PTPRR: variants seen among roughly 807,000 people sequenced by gnomAD.
PTPRR encodes receptor-type tyrosine-protein phosphatase R.
In PTPRR, 38 loss-of-function variants were observed where a neutral mutation model predicts 77.2. That is an observed-to-expected ratio of 0.49 (90% CI 0.38 to 0.65). The LOEUF (loss-of-function observed/expected upper bound fraction) is 0.65. Ranked by LOEUF, PTPRR falls within the 30% of genes least tolerant of loss-of-function variation. PTPRR has a pLI of 0.00. For synonymous variants in PTPRR, 299 were observed against 283.1 expected, an observed-to-expected ratio of 1.06 and a Z score of -0.57; for missense variants, 744 against 799.2, an observed-to-expected ratio of 0.93 and a Z score of 0.83.
rs904705534 is a variant in PTPRR, at chr12:70,638,331, A to G, written c.*853T>C. On this transcript the variant is annotated 3_prime_UTR_variant, in exon 14 of 14. Transcript: ENST00000283228. The stretch of plus-strand genomic sequence containing the variant: ...GTTGAGAGAGAGATTCCAGGTAGAT[A>G]GCATATTCAAAAATCCCTTCTTAGC... 6.6e-6 allele frequency: 1 copy of G among 152,452 alleles called. No homozygotes were observed. Among genetic ancestry groups the G allele is most frequent in the African/African-American group, 2.4e-5 (1 of 41,466 alleles). The allele number at this position is 152,452 out of a possible 1,614,324, so 9.4% of individuals were successfully genotyped here.
intron 13 of PTPRR, among the ~76,000 whole-genome samples, chr12:70,640,634 T>C (rs1885965375): frequency 1.3e-5 from 2 of 152,250 alleles, no homozygotes. Flanking sequence ...TAACTCTATG[T>C]TTTAACCAGA....
chr12:70,705,329 T>C lies in PTPRR; in HGVS notation c.1008-4006A>G, dbSNP rs550709291. 1.6e-4 allele frequency among the ~76,000 whole-genome samples: 25 copies of C among 152,226 alleles called. No individual in the cohort carries two copies. In the South Asian group the frequency reaches 1.7e-3, roughly 10 times the overall value. ...AACCAGGCATTTATTTTCCCGGTAG[T>C]TGGGGACCATAATGCTAGATTTTAG... is the stretch of plus-strand genomic sequence containing the variant. On this transcript the variant is annotated intron_variant, in intron 6 of 13. Transcript: ENST00000283228.
At chr12:70,832,243 T>C (rs1457681974) in intron 2 of PTPRR, among the ~76,000 whole-genome samples, 1 of 152,162 alleles carries the variant, frequency 6.6e-6, no homozygotes, top group East Asian at 1.9e-4. Flanking sequence ...GCTAGACAAG[T>C]ATGTAAGTAG....
chr12:70,712,206 G>A lies in PTPRR; in HGVS notation c.1008-10883C>T, dbSNP rs200121797. On this transcript the variant is annotated intron_variant, in intron 6 of 13. Coordinates refer to ENST00000283228, the MANE Select transcript of PTPRR (RefSeq NM_002849.4). The stretch of plus-strand genomic sequence containing the variant: ...TCAGTCTTCAGGTGGAAGGAAGGAA[G>A]GCGCCAATTACCTGGAAGGGCTGTG... Among the ~76,000 whole-genome samples, 33 of 152,050 alleles carry A rather than the reference G, an allele frequency of 2.2e-4. No individual in the cohort carries two copies. In the East Asian group the frequency reaches 5.4e-3, roughly 25 times the overall value.
intron 2 of PTPRR, among the ~76,000 whole-genome samples, chr12:70,768,627 G>A (rs904660333): frequency 2.6e-5 from 4 of 152,094 alleles, no homozygotes; most frequent in African/African-American, 9.7e-5. Context: ...CCAATCAATA[G>A]AAAAAGAGGG....
At chr12:70,709,175 A>T (rs2136807953) in intron 6 of PTPRR, among the ~76,000 whole-genome samples, 1 of 152,294 alleles carries the variant, frequency 6.6e-6, no homozygotes, top group East Asian at 1.9e-4. Context: ...CAACATATAC[A>T]AATCAATAAA....
intron 6 of PTPRR, among the ~76,000 whole-genome samples, chr12:70,705,392 A>G (rs1007061730): frequency 6.6e-6 from 1 of 152,148 alleles, no homozygotes; most frequent in African/African-American, 2.4e-5. Context: ...AATTTCTAGT[A>G]TCATGTCTAC....
intron 6 of PTPRR, among the ~76,000 whole-genome samples, chr12:70,737,428 T>G (rs1889899030): frequency 6.6e-6 from 1 of 152,100 alleles, no homozygotes; most frequent in Non-Finnish European, 1.5e-5. Context: ...GGCCCCATTT[T>G]TATTTGACAG....
intron 6 of PTPRR, among the ~76,000 whole-genome samples, chr12:70,705,274 C>T (rs769293074): frequency 1.3e-5 from 2 of 152,058 alleles, no homozygotes; most frequent in Non-Finnish European, 2.9e-5. Flanking sequence ...AATACAGTAA[C>T]ATTACAACTG....
chr12:70,661,352 T>C (rs1479938955), intron 11 of PTPRR: 3 of 379,122 alleles, frequency 7.9e-6, no homozygotes, highest in Admixed American at 4.1e-5. Context: ...ATATAGATCA[T>C]ATAAGTAACA....
At chr12:70,649,687 G>T (rs1195650269) in intron 13 of PTPRR, among the ~76,000 whole-genome samples, 3 of 152,056 alleles carry the variant, frequency 2.0e-5, no homozygotes, top group African/African-American at 7.2e-5. Flanking sequence ...CAATTCTCCT[G>T]CCTCAGCCTC....
intron 6 of PTPRR, among the ~76,000 whole-genome samples, chr12:70,717,566 T>C (rs1329632160): frequency 6.6e-6 from 1 of 152,180 alleles, no homozygotes; most frequent in Non-Finnish European, 1.5e-5. Context: ...AAAATAGCTC[T>C]ATCACATTTT....
At chr12:70,717,872 G>C (rs1293167762) in intron 6 of PTPRR, among the ~76,000 whole-genome samples, 2 of 151,988 alleles carry the variant, frequency 1.3e-5, no homozygotes, top group East Asian at 3.9e-4. Flanking sequence ...ATAATGTTTT[G>C]CATTGATTCC....
At chr12:70,759,698 A>C (rs1379356731) in intron 4 of PTPRR, among the ~76,000 whole-genome samples, 22 of 150,394 alleles carry the variant, frequency 1.5e-4, no homozygotes, top group East Asian at 3.9e-4. Flanking sequence ...AAAAAAAAAA[A>C]AAAAAAAACA....
At chr12:70,890,161 C>T (rs1893310122) in intron 2 of PTPRR, among the ~76,000 whole-genome samples, 1 of 152,128 alleles carries the variant, frequency 6.6e-6, no homozygotes, top group Non-Finnish European at 1.5e-5. Flanking sequence ...TTCCTCTTAC[C>T]ATAGTACTGA....
chr12:70,748,149 C>A (rs760364083), intron 5 of PTPRR, among the ~76,000 whole-genome samples: 2 of 152,186 alleles, frequency 1.3e-5, no homozygotes, highest in East Asian at 1.9e-4. Context: ...AAAACCCTGA[C>A]GTAAGGGATC....
chr12:70,909,657 T>C (rs984620983), intron 1 of PTPRR, among the ~76,000 whole-genome samples: 3 of 152,188 alleles, frequency 2.0e-5, no homozygotes, highest in Non-Finnish European at 4.4e-5. Flanking sequence ...CATTGTAGGA[T>C]ATCAAACTTT....
Position 70,854,133 on chromosome 12 carries a change from T to C in PTPRR, c.357+38546A>G, listed in dbSNP as rs774638916. On this transcript the variant is annotated intron_variant, in intron 2 of 13. Transcript: ENST00000283228. The stretch of plus-strand genomic sequence containing the variant: ...AACCTAATTATTTCAAAGGCATATA[T>C]TGAAGAAAGGATAACTTTCTCTCCC... Among the ~76,000 whole-genome samples the C allele has an allele frequency of 3.3e-5, 5 of 152,218 alleles. No homozygotes were observed. The East Asian group carries it at 9.6e-4, about 29-fold the overall frequency.
intron 2 of PTPRR, among the ~76,000 whole-genome samples, chr12:70,825,117 T>C (rs1892086656): frequency 6.6e-6 from 1 of 151,850 alleles, no homozygotes. Context: ...ACCCTGTCTG[T>C]ACTAAAAATA....
Sources: allele counts gnomAD v4.1 joint callset (sites outside exome capture counted in the v4.1 genomes callset), GRCh38; gene constraint gnomAD v4.1.1; transcripts MANE v1.5; gene names NCBI Gene and HGNC (gene_info 2026-07-23, HGNC 2026-07-21).